The following CDH4 variants were observed in gnomAD, a reference collection of about 807,000 sequenced individuals.
The protein encoded by CDH4 is cadherin 4.
Under a neutral mutation model 86.0 loss-of-function variants are expected in CDH4, and 33 were observed. The observed-to-expected ratio is 0.38, with a 90% CI of 0.29 to 0.51. The LOEUF is 0.51. CDH4 is among the 20% of genes least tolerant of loss of function. The probability of loss-of-function intolerance (pLI) is 0.86; values close to 1 mark genes in which losing one functional copy is unlikely to be tolerated. For missense variants in CDH4, 1,114 were observed against 1,307.4 expected, an observed-to-expected ratio of 0.85 and a Z score of 2.28; for synonymous variants, 555 against 549.4, an observed-to-expected ratio of 1.01 and a Z score of -0.14.
rs1166400464 is a variant in CDH4, at chr20:61,451,819, T to C, written c.169+196882T>C. Among the ~76,000 whole-genome samples, 5 of 152,078 alleles carry C rather than the reference T, an allele frequency of 3.3e-5. No individual in the cohort carries two copies. In the East Asian group the frequency reaches 9.6e-4, roughly 29 times the overall value. ...ATCCCAGCATACAAGCTTCCATTTG[T>C]CTCCAAAAGCCTGATCTGCACAACA... On this transcript the variant is annotated intron_variant, in intron 2 of 15. Coordinates refer to ENST00000614565, the MANE Select transcript of CDH4 (RefSeq NM_001794.5).
In CDH4 at chr20:61,616,787, C is replaced by T. The variant is rs2086728444; in HGVS notation, c.170-126776C>T. On this transcript the variant is annotated intron_variant, in intron 2 of 15. Transcript: ENST00000614565. ...TCTCCAAATGTTCTTGATTTCAGGGCTGACCTTCCCACTCTGCAGGGACGC... is the reference window on the plus strand; with the variant it reads ...TCTCCAAATGTTCTTGATTTCAGGGTTGACCTTCCCACTCTGCAGGGACGC... Among the ~76,000 whole-genome samples, 6 of 152,316 alleles carry T rather than the reference C, an allele frequency of 3.9e-5. No individual in the cohort carries two copies. The South Asian group carries it at 1.2e-3, about 32-fold the overall frequency.
At chr20:61,753,162 G>T (rs940334089) in intron 3 of CDH4, among the ~76,000 whole-genome samples, 3 of 152,198 alleles carry the variant, frequency 2.0e-5, no homozygotes, top group Admixed American at 2.0e-4. Context: ...TTTACAGAGC[G>T]CTGGGAGTCC....
At chr20:61,482,429 G>A (rs542671052) in intron 2 of CDH4, among the ~76,000 whole-genome samples, 1 of 152,342 alleles carries the variant, frequency 6.6e-6, no homozygotes, top group East Asian at 1.9e-4. Flanking sequence ...CAGGAAGGGT[G>A]AGGTCGCTGT....
chr20:61,568,259 G>A (rs577487471), intron 2 of CDH4, among the ~76,000 whole-genome samples: 1 of 152,308 alleles, frequency 6.6e-6, no homozygotes, highest in South Asian at 2.1e-4. Context: ...GAGCCGGTGA[G>A]AGGTAACTGA....
intron 2 of CDH4, among the ~76,000 whole-genome samples, chr20:61,405,050 A>G (rs1033419843): frequency 3.3e-5 from 5 of 152,162 alleles, no homozygotes; most frequent in African/African-American, 1.2e-4. Context: ...TTCAGTCTCA[A>G]AAAGAAAAAG....
chr20:61,407,572 T>G (rs2145487156), intron 2 of CDH4, among the ~76,000 whole-genome samples: 1 of 152,342 alleles, frequency 6.6e-6, no homozygotes, highest in South Asian at 2.1e-4. Context: ...ACACACAAAC[T>G]TCCCTATGAA....
chr20:61,589,825 TAA>T (rs372321209), intron 2 of CDH4, among the ~76,000 whole-genome samples: 2,872 of 133,352 alleles, frequency 0.022, 73 homozygotes, highest in African/African-American at 0.064. Flanking sequence ...TAATAATAAT[TAA>T]AAAAAAAAAA....
chr20:61,364,516 G>C (rs1349464896), intron 2 of CDH4, among the ~76,000 whole-genome samples: 1 of 152,216 alleles, frequency 6.6e-6, no homozygotes, highest in Non-Finnish European at 1.5e-5. Flanking sequence ...CTCAGCCTGG[G>C]CTTGTCTCTG....
At chr20:61,598,639 C>G (rs1053512326) in intron 2 of CDH4, among the ~76,000 whole-genome samples, 1 of 152,196 alleles carries the variant, frequency 6.6e-6, no homozygotes, top group Admixed American at 6.5e-5. Flanking sequence ...ACCTCCCACC[C>G]GACCCTGGGA....
chr20:61,259,045 C>T (rs1429848803), intron 2 of CDH4, among the ~76,000 whole-genome samples: 1 of 152,178 alleles, frequency 6.6e-6, no homozygotes. Flanking sequence ...TTGCTCGTCT[C>T]AGAACAGAAT....
At chr20:61,581,067 CTG>C (rs1457249889) in intron 2 of CDH4, among the ~76,000 whole-genome samples, 4 of 152,210 alleles carry the variant, frequency 2.6e-5, no homozygotes, top group Admixed American at 6.5e-5. Flanking sequence ...GTTCTGGCCT[CTG>C]TGTGCTGTAG....
In CDH4 at chr20:61,684,784, G is replaced by C. The variant is rs1045564428; in HGVS notation, c.170-58779G>C. Among the ~76,000 whole-genome samples, 2 of 152,186 alleles carry C rather than the reference G, an allele frequency of 1.3e-5. No individual in the cohort carries two copies. The highest frequency in any genetic ancestry group is 2.1e-4 in the South Asian group (1 of 4,806). On this transcript the variant is annotated intron_variant, in intron 2 of 15. Coordinates refer to ENST00000614565, the MANE Select transcript of CDH4 (RefSeq NM_001794.5). This position sits in a 1 kb window ranked among gnomAD's most constrained non-coding sequence, Gnocchi z 4.5. Reference sequence around the variant, plus strand: ...CTCCCTCAATCTGCAGCCCACAGCCGCCTGCCGTGACCACCCCTCGATGTG... The same window carrying C: ...CTCCCTCAATCTGCAGCCCACAGCCCCCTGCCGTGACCACCCCTCGATGTG...
chr20:61,525,389 C>T (rs1485240259), intron 2 of CDH4, among the ~76,000 whole-genome samples: 3 of 152,126 alleles, frequency 2.0e-5, no homozygotes, highest in African/African-American at 7.2e-5. Flanking sequence ...TCACTCAGGG[C>T]CCCCCAACAG....
intron 2 of CDH4, among the ~76,000 whole-genome samples, chr20:61,457,014 C>T (rs933314938): frequency 5.9e-5 from 9 of 152,126 alleles, no homozygotes; most frequent in African/African-American, 2.2e-4. Context: ...GCAAAAGGGG[C>T]TTTGTGCCAG....
intron 2 of CDH4, among the ~76,000 whole-genome samples, chr20:61,347,579 C>T (rs1469399402): frequency 6.6e-6 from 1 of 152,168 alleles, no homozygotes; most frequent in Non-Finnish European, 1.5e-5. Flanking sequence ...ATGAATTAGA[C>T]CTTTCCAGTT....
intron 2 of CDH4, among the ~76,000 whole-genome samples, chr20:61,631,193 C>T (rs1431748159): frequency 6.6e-6 from 1 of 152,170 alleles, no homozygotes; most frequent in African/African-American, 2.4e-5. Flanking sequence ...CCTGGAGGCC[C>T]CTGACTCTCC....
At chr20:61,771,611 G>C (rs2088776675) in intron 3 of CDH4, among the ~76,000 whole-genome samples, 1 of 121,948 alleles carries the variant, frequency 8.2e-6, no homozygotes, top group Admixed American at 1.0e-4. Flanking sequence ...GACACAGTGA[G>C]ACTCCATCTC....
intron 2 of CDH4, among the ~76,000 whole-genome samples, chr20:61,604,666 A>G (rs915402696): frequency 1.4e-4 from 21 of 152,076 alleles, no homozygotes; most frequent in African/African-American, 5.1e-4. Flanking sequence ...TCCTGCACAC[A>G]TTTGAGAGCA....
intron 2 of CDH4, among the ~76,000 whole-genome samples, chr20:61,276,650 C>A (rs565718371): frequency 6.6e-6 from 1 of 152,244 alleles, no homozygotes; most frequent in Non-Finnish European, 1.5e-5. Context: ...TCTCTTGTGG[C>A]CAAGTCAGCT....
Sources: gnomAD v4.1 joint callset for allele counts (sites outside exome capture counted in the v4.1 genomes callset) on GRCh38, gnomAD v4.1.1 for gene constraint, Gnocchi (gnomAD v3.1) non-coding constraint, MANE v1.5 for transcripts, NCBI Gene and HGNC (gene_info 2026-07-23, HGNC 2026-07-21) for gene names.